The following SZT2 variants were observed in gnomAD, a reference collection of about 807,000 sequenced individuals.
SZT2 encodes KICSTOR complex protein SZT2.
SZT2 carries 216 observed loss-of-function variants against 404.2 expected under a neutral mutation model. The ratio of observed to expected loss-of-function variants is 0.53; its 90% CI spans 0.48 to 0.60. SZT2 has a LOEUF of 0.60. SZT2 is among the 20% of genes least tolerant of loss of function. SZT2 has a pLI of 0.00. For missense variants in SZT2, 3,857 were observed against 4,459.2 expected, an observed-to-expected ratio of 0.86 and a Z score of 3.85; for synonymous variants, 1,693 against 1,749.9, an observed-to-expected ratio of 0.97 and a Z score of 0.81.
At chr1:43,429,016 A>G (rs796990362) in intron 28 of SZT2, 23 of 160,992 alleles carry the variant, frequency 1.4e-4, no homozygotes, top group African/African-American at 5.3e-4. Context: ...GGATATGCTG[A>G]TGACTCCTAG....
chr1:43,447,757 T>C, intron 67 of SZT2, 59 bp downstream of exon 67: 1 of 1,610,230 alleles, frequency 6.2e-7, no homozygotes, highest in Non-Finnish European at 8.5e-7. Context: ...GGGACATACT[T>C]GCAGTAGGGA....
At chr1:43,402,904 G>A (rs974288752) in intron 1 of SZT2, among the ~76,000 whole-genome samples, 1 of 152,194 alleles carries the variant, frequency 6.6e-6, no homozygotes, top group South Asian at 2.1e-4. Context: ...AAAGCTTATA[G>A]TTTATAGGTG....
chr1:43,426,490 C>T lies in SZT2; in HGVS notation c.3166C>T (p.Gln1056Ter). The stretch of plus-strand genomic sequence containing the variant: ...GGAGATCCCACTGACCCCCGTTGAC[C>T]AGGCTGCCTTCTTGAGTGAGGTGCT... ...DREIPLTPVD[Q>*]AAFLSEVLRR... The change falls in exon 22 of 72, where the codon CAG (glutamine) becomes TAG (stop). Residue 1056 changes from glutamine (Q) to a stop codon, truncating the protein, a stop_gained. Transcript: ENST00000634258. LOFTEE classifies it high-confidence loss of function. The surrounding 1 kb of genome is among the most constrained non-coding windows in gnomAD (Gnocchi z 4.9). 1 of 1,596,274 alleles carries T rather than the reference C, an allele frequency of 6.3e-7. No individual in the cohort carries two copies. Among genetic ancestry groups the T allele is most frequent in the Non-Finnish European group, 8.5e-7 (1 of 1,178,916 alleles).
chr1:43,447,738 G>C (rs749629041), intron 67 of SZT2, 40 bp downstream of exon 67: 1 of 1,611,026 alleles, frequency 6.2e-7, no homozygotes, highest in Non-Finnish European at 8.5e-7. Flanking sequence ...CGCTGCAGGA[G>C]CTGGGGTTGG....
intron 40 of SZT2, among the ~76,000 whole-genome samples, chr1:43,433,410 G>T (rs1654135982): frequency 1.3e-5 from 2 of 152,368 alleles, no homozygotes; most frequent in Admixed American, 1.3e-4. Context: ...TCGAAAAGCT[G>T]ATGGGGATTT....
chr1:43,424,658 C>A lies in SZT2; in HGVS notation c.2472-126C>A. The A allele has an allele frequency of 1.1e-6, 1 of 910,018 alleles. No individual in the cohort carries two copies. Among genetic ancestry groups the A allele is most frequent in the Non-Finnish European group, 1.7e-6 (1 of 586,770 alleles). 56.4% of individuals were successfully genotyped at this position (910,018 alleles called of 1,614,324 possible). The stretch of plus-strand genomic sequence containing the variant: ...TACCCTGAGGGACCGCCAGTCTAAG[C>A]AGGGCCAGCAGCAGACTTGGCTCCT... On this transcript the variant is annotated intron_variant, in intron 16 of 71. Coordinates refer to ENST00000634258, the MANE Select transcript of SZT2 (RefSeq NM_001365999.1). This position sits in a 1 kb window ranked among gnomAD's most constrained non-coding sequence, Gnocchi z 4.1.
Position 43,420,876 on chromosome 1 carries a change from G to A in SZT2, c.1389G>A (p.Met463Ile). Residue 463 changes from methionine (M) to isoleucine (I), a missense_variant, in exon 10 of 72, where the codon ATG becomes ATA. Physicochemically the swap from Met to Ile is conservative, Grantham distance 10 (BLOSUM62 1). Coordinates refer to ENST00000634258, the MANE Select transcript of SZT2 (RefSeq NM_001365999.1). The surrounding 1 kb of genome is among the most constrained non-coding windows in gnomAD (Gnocchi z 5.1). The part of the protein sequence containing the change: ...GPRVTRVEVT[M>I]EGGYDILHDV... ...GAGTAACACGGGTGGAAGTGACGAT[G>A]GAAGGCGGCTACGACATTTTGCATG... 1 of 1,598,478 alleles carries A rather than the reference G, an allele frequency of 6.3e-7. No individual in the cohort carries two copies. The highest frequency in any genetic ancestry group is 8.5e-7 in the Non-Finnish European group (1 of 1,179,818).
Position 43,452,814 on chromosome 1 carries a change from C to T in SZT2, c.*2334C>T, listed in dbSNP as rs906699574. 1.2e-4 allele frequency: 170 copies of T among 1,380,938 alleles called. No individual in the cohort carries two copies. Among genetic ancestry groups the T allele is most frequent in the Non-Finnish European group, 1.5e-4 (152 of 996,816 alleles). 85.5% of individuals were successfully genotyped at this position (1,380,938 alleles called of 1,614,324 possible). ...CATTTGAATCAGCCCCACTTTGAGC[C>T]GTCCACCTCCTCCCATCATCCCCTG... On this transcript the variant is annotated 3_prime_UTR_variant, in exon 72 of 72. Coordinates refer to ENST00000634258, the MANE Select transcript of SZT2 (RefSeq NM_001365999.1).
intron 1 of SZT2, among the ~76,000 whole-genome samples, chr1:43,399,550 C>T (rs1228899178): frequency 1.3e-5 from 2 of 151,314 alleles, no homozygotes; most frequent in East Asian, 3.9e-4. Flanking sequence ...CAAGCTCCGC[C>T]TCCCGGGTTC....
In SZT2 at chr1:43,425,714, G is replaced by C. The variant is rs1183556766; in HGVS notation, c.2814+72G>C. Reference sequence around the variant, plus strand: ...GTGCCATCTCTTTTGGAGTACTGCAGTCTGTGGGCTTCCTGGTCCCTCTGA... The same window carrying C: ...GTGCCATCTCTTTTGGAGTACTGCACTCTGTGGGCTTCCTGGTCCCTCTGA... On this transcript the variant is annotated intron_variant, in intron 19 of 71. Coordinates refer to ENST00000634258, the MANE Select transcript of SZT2 (RefSeq NM_001365999.1). The surrounding 1 kb of genome is among the most constrained non-coding windows in gnomAD (Gnocchi z 4.3). 1.3e-6 allele frequency: 2 copies of C among 1,599,622 alleles called. No homozygotes were observed. The highest frequency in any genetic ancestry group is 2.7e-5 in the African/African-American group (2 of 74,612).
chr1:43,441,289 C>T lies in SZT2; in HGVS notation c.7420C>T (p.Arg2474Trp), dbSNP rs772266825. 9.3e-6 allele frequency: 15 copies of T among 1,614,122 alleles called. No homozygotes were observed. The highest frequency in any genetic ancestry group is 6.7e-5 in the African/African-American group (5 of 74,950). Residue 2474 changes from arginine (R) to tryptophan (W), a missense_variant, in exon 53 of 72, where the codon CGG (arginine) becomes TGG (tryptophan). Around this residue, in one of 7 missense-constraint regions of SZT2, gnomAD observed 573 missense variants for 592.4 expected, o/e 0.97. Coordinates refer to ENST00000634258, the MANE Select transcript of SZT2 (RefSeq NM_001365999.1). This position sits in a 1 kb window ranked among gnomAD's most constrained non-coding sequence, Gnocchi z 4.8. ...TGTCCTGGATCGGCCAGAAGACACT[C>T]GGGGCCGGAGGCGTCACAAAACCGA... Reference protein sequence around the residue: ...DIVLDRPEDTRGRRRHKTESV... With the variant: ...DIVLDRPEDTWGRRRHKTESV...
Position 43,425,192 on chromosome 1 carries a change from C to G in SZT2, c.2630C>G (p.Thr877Ser). Residue 877 changes from threonine to serine, a missense_variant, in exon 18 of 72, where the codon ACC (threonine) becomes AGC (serine). Physicochemically the swap from Thr to Ser is moderately conservative, Grantham distance 58. This residue lies in a region of SZT2 where 1,725 missense variants were observed against 1,881.0 expected (regional missense o/e 0.92). Transcript: ENST00000634258. This position sits in a 1 kb window ranked among gnomAD's most constrained non-coding sequence, Gnocchi z 4.3. ...VQYILFPPHS[T>S]STKDSFSTDD... ...TACATCCTCTTCCCCCCACACTCTA[C>G]CTCCACCAAAGACAGGTGAGACAGG... is the stretch of plus-strand genomic sequence containing the variant. 1 of 1,614,202 alleles carries G rather than the reference C, an allele frequency of 6.2e-7. No individual in the cohort carries two copies. Among genetic ancestry groups the G allele is most frequent in the Non-Finnish European group, 8.5e-7 (1 of 1,180,024 alleles).
At chr1:43,422,021 T>C in intron 11 of SZT2, 62 bp from the exon 12 acceptor site, 2 of 1,530,280 alleles carry the variant, frequency 1.3e-6, no homozygotes, top group Non-Finnish European at 1.8e-6. Context: ...TTGTTTGCTC[T>C]TTGGAGTTTG....
In SZT2 at chr1:43,433,051, G is replaced by T. The variant is rs370230435; in HGVS notation, c.5665G>T (p.Ala1889Ser). 119 of 1,613,940 alleles carry T rather than the reference G, an allele frequency of 7.4e-5. No homozygotes were observed. The highest frequency in any genetic ancestry group is 1.3e-5 in the Non-Finnish European group (15 of 1,180,022). Residue 1889 changes from alanine to serine, a missense_variant, in exon 40 of 72, where the codon GCC becomes TCC. Physicochemically the swap from Ala to Ser is moderately conservative, Grantham distance 99. Transcript: ENST00000634258. The stretch of plus-strand genomic sequence containing the variant: ...TCCCAATGACACCCTTGGTGAGAAG[G>T]CCCCCTTCACATTGCGGACTCCACC... ...EGPNDTLGEK[A>S]PFTLRTPPGP...
chr1:43,442,385 G>A lies in SZT2; in HGVS notation c.7974+17G>A. Reference sequence around the variant, plus strand: ...GACAAGAAGGTAAATATGGGGCCAGGGACTGGGTGGGAAGAGGGGTTCCGT... The same window carrying A: ...GACAAGAAGGTAAATATGGGGCCAGAGACTGGGTGGGAAGAGGGGTTCCGT... On this transcript the variant is annotated intron_variant, in intron 57 of 71. Transcript: ENST00000634258. The surrounding 1 kb of genome is among the most constrained non-coding windows in gnomAD (Gnocchi z 4.5). 1 of 1,613,328 alleles carries A rather than the reference G, an allele frequency of 6.2e-7. No individual in the cohort carries two copies. Among genetic ancestry groups the A allele is most frequent in the South Asian group, 1.1e-5 (1 of 90,946 alleles).
chr1:43,404,461 C>T lies in SZT2; in HGVS notation c.409C>T (p.Arg137Ter), dbSNP rs1650058382. The change falls in exon 4 of 72, where the codon CGA (arginine) becomes TGA (stop). Residue 137 changes from arginine to a stop codon, truncating the protein, a stop_gained. Transcript: ENST00000634258. LOFTEE classifies it high-confidence loss of function. ...CTTAGGCGGGCTGCTTCGGCCCTTC[C>T]GAGTGCCTGGATCTTGCATCGACTT... ...RCLGGLLRPFRVPGSCIDFQP... is the reference protein window; with the variant it reads ...RCLGGLLRPF 2 of 1,613,890 alleles carry T rather than the reference C, an allele frequency of 1.2e-6. No homozygotes were observed. Among genetic ancestry groups the T allele is most frequent in the Non-Finnish European group, 1.7e-6 (2 of 1,180,010 alleles).
At chr1:43,423,011 A>T (rs1570632422) in intron 14 of SZT2, 88 bp from the exon 15 acceptor site, 3 of 1,502,614 alleles carry the variant, frequency 2.0e-6, no homozygotes, top group Non-Finnish European at 2.7e-6. Flanking sequence ...CCTGGAGAAG[A>T]GGGCTGTGTC....
At chr1:43,432,090 C>T (rs1653964704) in intron 36 of SZT2, among the ~76,000 whole-genome samples, 182 bp from the exon 37 acceptor site, 1 of 152,224 alleles carries the variant, frequency 6.6e-6, no homozygotes, top group African/African-American at 2.4e-5. Context: ...AACCCAGCTC[C>T]CAACCTGGTC....
chr1:43,416,064 C>G lies in SZT2; in HGVS notation c.735C>G (p.Ile245Met). 1 of 1,598,366 alleles carries G rather than the reference C, an allele frequency of 6.3e-7. No individual in the cohort carries two copies. Among genetic ancestry groups the G allele is most frequent in the Non-Finnish European group, 8.5e-7 (1 of 1,179,810 alleles). Residue 245 changes from isoleucine (I) to methionine (M), a missense_variant, in exon 6 of 72, where the codon ATC (isoleucine) becomes ATG (methionine). This residue lies in a region of SZT2 where 536 missense variants were observed against 637.4 expected (regional missense o/e 0.84). Transcript: ENST00000634258. The part of the protein sequence containing the change: ...LGLVSMIRQG[I>M]LALQLLPSNS... ...TGGTCAGTATGATTCGTCAGGGCAT[C>G]TTGGCACTGCAGTTACTACCCTCGA...
Sources: allele counts gnomAD v4.1 joint callset (sites outside exome capture counted in the v4.1 genomes callset), GRCh38; gene constraint gnomAD v4.1.1; regional missense constraint gnomAD v4.1.1; non-coding constraint Gnocchi (gnomAD v3.1); transcripts MANE v1.5; gene names NCBI Gene and HGNC (gene_info 2026-07-23, HGNC 2026-07-21).